The following C5 variants were observed in gnomAD, a reference collection of about 807,000 sequenced individuals.
C5 encodes C3 and PZP-like alpha-2-macroglobulin domain-containing protein 4.
In C5, 140 loss-of-function variants were observed where a neutral mutation model predicts 218.8. The ratio of observed to expected loss-of-function variants is 0.64; its 90% CI spans 0.56 to 0.74. C5 has a LOEUF of 0.74. C5 is among the 30% of genes least tolerant of loss of function. C5 has a pLI of 0.00. For synonymous variants in C5, 614 were observed against 682.3 expected (o/e 0.90, Z 1.56); for missense variants, 1,700 against 1,969.6 (o/e 0.86, Z 2.59).
chr9:120,958,977 A>G (rs1183951942), intron 38 of C5, among the ~76,000 whole-genome samples: 1 of 152,012 alleles, frequency 6.6e-6, no homozygotes, highest in African/African-American at 2.4e-5. Context: ...TGTAGAGACA[A>G]GGTTTTGCCA....
Position 120,980,068 on chromosome 9 carries a change from T to C in C5, c.3658+15A>G, listed in dbSNP as rs753299052. On this transcript the variant is annotated intron_variant, in intron 28 of 40. Coordinates refer to ENST00000223642, the MANE Select transcript of C5 (RefSeq NM_001735.3). ...AGTGAACACTCACTGAATACATGTA[T>C]GGAACAAGTTATACCTTTAACCAAA... 3.1e-6 allele frequency: 5 copies of C among 1,612,840 alleles called. No homozygotes were observed. The highest frequency in any genetic ancestry group is 4.2e-6 in the Non-Finnish European group (5 of 1,178,826).
At chr9:121,039,217 T>C (rs77938320) in intron 3 of C5, among the ~76,000 whole-genome samples, 3 of 152,376 alleles carry the variant, frequency 2.0e-5, no homozygotes, top group Non-Finnish European at 4.4e-5. Flanking sequence ...ATGTTTATTT[T>C]ATTATTATTT....
intron 8 of C5, 57 bp downstream of exon 8, chr9:121,027,103 C>T (rs537517349): frequency 1.1e-6 from 1 of 920,690 alleles, no homozygotes; most frequent in Non-Finnish European, 1.8e-6. Flanking sequence ...AGTAACTTCT[C>T]ATCTCTCACC....
chr9:120,974,999 C>A, intron 29 of C5, 68 bp from the exon 30 acceptor site: 2 of 1,563,532 alleles, frequency 1.3e-6, no homozygotes, highest in Non-Finnish European at 1.8e-6. Flanking sequence ...TACAAATGCC[C>A]TTTTTATGAG....
chr9:121,006,966 T>G lies in C5; in HGVS notation c.2360A>C (p.Gln787Pro). 6.2e-7 allele frequency: 1 copy of G among 1,611,038 alleles called. No homozygotes were observed. The highest frequency in any genetic ancestry group is 8.5e-7 in the Non-Finnish European group (1 of 1,177,268). ...VHLVPRRKQL[Q>P]FALPDSLTTW... The stretch of plus-strand genomic sequence containing the variant: ...GGTTAGAGAATCAGGTAGGGCAAAC[T>G]GCAACTGTTTTCTGGAAGTTAAAAT... Residue 787 changes from glutamine (Q) to proline (P), a missense_variant, in exon 19 of 41, where the codon CAG becomes CCG. Physicochemically the swap from Gln to Pro is moderately conservative, Grantham distance 76. Transcript: ENST00000223642.
intron 9 of C5, 26 bp downstream of exon 9, chr9:121,025,428 A>ACACACC: frequency 6.3e-7 from 1 of 1,591,092 alleles, no homozygotes; most frequent in Non-Finnish European, 8.6e-7. Context: ...ATACACACAC[A>ACACACC]CACACACACA....
chr9:121,017,737 A>G lies in C5; in HGVS notation c.1622T>C (p.Leu541Pro). The G allele has an allele frequency of 6.2e-7, 1 of 1,612,076 alleles. No individual in the cohort carries two copies. Among genetic ancestry groups the G allele is most frequent in the Non-Finnish European group, 8.5e-7 (1 of 1,178,192 alleles). ...TTCTCCTGTGACGATGTAATAGACCAGAAGTCGGGATGAAGGAACCATGTT... is the reference window on the plus strand; with the variant it reads ...TTCTCCTGTGACGATGTAATAGACCGGAAGTCGGGATGAAGGAACCATGTT... ...TQNMVPSSRLLVYYIVTGEQT... is the reference protein window; with the variant it reads ...TQNMVPSSRLPVYYIVTGEQT... Residue 541 changes from leucine (L) to proline (P), a missense_variant, in exon 13 of 41, where the codon CTG (leucine) becomes CCG (proline). Physicochemically the swap from Leu to Pro is moderately conservative, Grantham distance 98. Coordinates refer to ENST00000223642, the MANE Select transcript of C5 (RefSeq NM_001735.3).
chr9:121,073,894 TGA>T, the C5 span, among the ~76,000 whole-genome samples: 1 of 152,138 alleles, frequency 6.6e-6, no homozygotes, highest in Non-Finnish European at 1.5e-5. Flanking sequence ...ATAAGGAAAC[TGA>T]GACACAGAGA....
chr9:121,042,953 G>A (rs764267266), intron 3 of C5, 51 bp downstream of exon 3: 2 of 1,444,154 alleles, frequency 1.4e-6, no homozygotes, highest in Non-Finnish European at 9.7e-7. Flanking sequence ...ACAATATAGT[G>A]TCAATACTGT....
At chr9:120,978,985 C>T (rs2046972293) in intron 28 of C5, among the ~76,000 whole-genome samples, 1 of 152,196 alleles carries the variant, frequency 6.6e-6, no homozygotes, top group Non-Finnish European at 1.5e-5. Context: ...GGAGCACAGG[C>T]TAGATTTCAG....
rs2046819562 is a variant in C5, at chr9:120,960,539, C to A, written c.4589-202G>T. Among the ~76,000 whole-genome samples, 10 of 152,244 alleles carry A rather than the reference C, an allele frequency of 6.6e-5. No homozygotes were observed. In the South Asian group the frequency reaches 2.1e-3, roughly 32 times the overall value. ...AAACAAAACAAACAAAAACAAAAAA[C>A]AAAATCTTGAGCATGTCACAAGCTT... is the stretch of plus-strand genomic sequence containing the variant. On this transcript the variant is annotated intron_variant, in intron 37 of 40. Coordinates refer to ENST00000223642, the MANE Select transcript of C5 (RefSeq NM_001735.3).
chr9:121,071,975 G>T, the C5 span, among the ~76,000 whole-genome samples: 71 of 152,168 alleles, frequency 4.7e-4, 1 homozygote, highest in South Asian at 0.014. Flanking sequence ...AGTGTGGAAC[G>T]CGAGTTGTCT....
intron 3 of C5, among the ~76,000 whole-genome samples, chr9:121,041,069 G>A (rs753392179): frequency 3.5e-4 from 52 of 148,656 alleles, no homozygotes; most frequent in Non-Finnish European, 6.7e-4. Flanking sequence ...TCAGCCTCCC[G>A]AGTAGCTGGA....
the C5 span, among the ~76,000 whole-genome samples, chr9:121,064,209 T>G: frequency 6.6e-6 from 1 of 152,180 alleles, no homozygotes; most frequent in African/African-American, 2.4e-5. Flanking sequence ...GAGTATGATT[T>G]TATGTATTTG....
In C5 at chr9:120,989,554, C is replaced by CTTT; in HGVS notation, c.3154+11_3154+13dup. ...AATCACCCAATTTTTATGTGAAATA[C>CTTT]TTTTTTTTTTTACCTTCTTTTAATT... On this transcript the variant is annotated intron_variant, in intron 24 of 40. Coordinates refer to ENST00000223642, the MANE Select transcript of C5 (RefSeq NM_001735.3). 1 of 1,151,704 alleles carries CTTT rather than the reference C, an allele frequency of 8.7e-7. No individual in the cohort carries two copies. The highest frequency in any genetic ancestry group is 1.2e-6 in the Non-Finnish European group (1 of 823,332). 71.3% of individuals were successfully genotyped at this position (1,151,704 alleles called of 1,614,324 possible). A position where few individuals can be genotyped will look rare whatever the true frequency, so the allele number is the denominator to read the frequency against.
Position 121,020,048 on chromosome 9 carries a change from C to A in C5, c.1434G>T (p.Val478=). Residue 478 remains valine, a synonymous_variant, in exon 12 of 41, where the codon GTG becomes GTT. Transcript: ENST00000223642. ...TAACAATAATATTCAGATGTTCTCC[C>A]ACTAGCAAAGCCTTATGGTTATCAG... ...DWTDNHKALL[V]GEHLNIIVTP... is the part of the protein sequence containing the mutation. The A allele has an allele frequency of 6.2e-7, 1 of 1,613,186 alleles. No homozygotes were observed. The highest frequency in any genetic ancestry group is 8.5e-7 in the Non-Finnish European group (1 of 1,179,266).
intron 39 of C5, among the ~76,000 whole-genome samples, chr9:120,955,914 T>C (rs908423478): frequency 2.6e-5 from 4 of 152,000 alleles, no homozygotes; most frequent in African/African-American, 4.8e-5. Context: ...CTTGAAATAT[T>C]TGATAGAATT....
At position 121,025,411 on chromosome 9, in the gene C5, A is replaced by G. The variant is rs796767190; in HGVS notation, c.1000+43T>C. ...ATATTCTGTCTAAATATTTTTCAAA[A>G]GAAAGTATACACACACACACACACA... is the stretch of plus-strand genomic sequence containing the variant. On this transcript the variant is annotated intron_variant, in intron 9 of 40. Transcript: ENST00000223642. The G allele has an allele frequency of 4.1e-5, 24 of 589,314 alleles. 1 individual carries two copies. In the African/African-American group the frequency reaches 5.4e-4, roughly 13 times the overall value. 36.5% of individuals were successfully genotyped at this position (589,314 alleles called of 1,614,324 possible). A position where few individuals can be genotyped will look rare whatever the true frequency, so the allele number is the denominator to read the frequency against.
At chr9:121,069,143 C>T in the C5 span, among the ~76,000 whole-genome samples, 1 of 152,084 alleles carries the variant, frequency 6.6e-6, no homozygotes, top group Non-Finnish European at 1.5e-5. Context: ...CAAAAATAAA[C>T]ATATGGGATT....
Sources: gnomAD v4.1 joint callset for allele counts (sites outside exome capture counted in the v4.1 genomes callset) on GRCh38, gnomAD v4.1.1 for gene constraint, MANE v1.5 for transcripts, NCBI Gene and HGNC (gene_info 2026-07-23, HGNC 2026-07-21) for gene names.